SLAIN2: variants seen among roughly 807,000 people sequenced by gnomAD.
The protein encoded by SLAIN2 is SLAIN family member 2.
SLAIN2 carries 31 observed loss-of-function variants against 56.6 expected under a neutral mutation model. That is an observed-to-expected ratio of 0.55 (90% CI 0.41 to 0.74). The LOEUF is 0.74. Ranked by LOEUF, SLAIN2 falls within the 30% of genes least tolerant of loss-of-function variation. The pLI is 0.00. For synonymous variants in SLAIN2, 317 were observed against 284.9 expected (o/e 1.11, Z -1.13); for missense variants, 777 against 754.2 (o/e 1.03, Z -0.35).
At position 48,341,597 on chromosome 4, in the gene SLAIN2, G is replaced by A; in HGVS notation, c.-143G>A. Reference sequence around the variant, plus strand: ...CGGCGCTTTGGAACCCGAGGTGGGGGGACCCTGGCGGTGGGGCCTGGTCCT... The same window carrying A: ...CGGCGCTTTGGAACCCGAGGTGGGGAGACCCTGGCGGTGGGGCCTGGTCCT... On this transcript the variant is annotated 5_prime_UTR_variant, in exon 1 of 8. Transcript: ENST00000264313. The A allele has an allele frequency of 7.9e-7, 1 of 1,267,738 alleles. No individual in the cohort carries two copies. The highest frequency in any genetic ancestry group is 1.0e-6 in the Non-Finnish European group (1 of 973,152). The allele number at this position is 1,267,738 out of a possible 1,614,324, so 78.5% of individuals were successfully genotyped here.
At chr4:48,408,681 C>T (rs1279158295) in intron 6 of SLAIN2, among the ~76,000 whole-genome samples, 2 of 151,764 alleles carry the variant, frequency 1.3e-5, no homozygotes, top group South Asian at 2.1e-4. Context: ...AAAAGAGTCA[C>T]GTTTTTAAGT....
intron 1 of SLAIN2, among the ~76,000 whole-genome samples, chr4:48,342,711 C>CTTT (rs761272695): frequency 0.25 from 16,621 of 65,440 alleles, 4,033 homozygotes; most frequent in South Asian, 0.44. Flanking sequence ...GATGGTGCTG[C>CTTT]TTTTTTTTTT....
chr4:48,351,294 C>G (rs1391803152), intron 1 of SLAIN2, among the ~76,000 whole-genome samples: 1 of 152,182 alleles, frequency 6.6e-6, no homozygotes, highest in Non-Finnish European at 1.5e-5. Flanking sequence ...CTAATCGGTA[C>G]TATATTCTAT....
intron 1 of SLAIN2, among the ~76,000 whole-genome samples, chr4:48,366,044 G>C (rs1293794933): frequency 2.6e-5 from 4 of 152,148 alleles, no homozygotes; most frequent in Non-Finnish European, 5.9e-5. Context: ...AGTAGTTTCT[G>C]ATTTCCCTTG....
In SLAIN2 at chr4:48,345,921, A is replaced by T. The variant is rs76748101; in HGVS notation, c.389+3793A>T. Reference sequence around the variant, plus strand: ...AATACCAGTCCATTAATCAACACACATGGTTGTTCAATAATTGCTAGTTCT... The same window carrying T: ...AATACCAGTCCATTAATCAACACACTTGGTTGTTCAATAATTGCTAGTTCT... On this transcript the variant is annotated intron_variant, in intron 1 of 7. Coordinates refer to ENST00000264313, the MANE Select transcript of SLAIN2 (RefSeq NM_020846.2). Among the ~76,000 whole-genome samples, 258 of 152,300 alleles carry T rather than the reference A, an allele frequency of 1.7e-3. 1 individual carries two copies. The highest frequency in any genetic ancestry group is 6.0e-3 in the African/African-American group (248 of 41,564).
chr4:48,367,052 T>C (rs1715540112), intron 1 of SLAIN2, among the ~76,000 whole-genome samples: 1 of 152,260 alleles, frequency 6.6e-6, no homozygotes. Flanking sequence ...TGTATTGTTA[T>C]TACAAATAGG....
At chr4:48,367,198 C>G (rs527830830) in intron 1 of SLAIN2, among the ~76,000 whole-genome samples, 14 of 152,336 alleles carry the variant, frequency 9.2e-5, no homozygotes, top group African/African-American at 3.1e-4. Flanking sequence ...GAAGTATGTA[C>G]TTTGAAACCT....
At chr4:48,350,001 C>G (rs1388218393) in intron 1 of SLAIN2, among the ~76,000 whole-genome samples, 1 of 152,098 alleles carries the variant, frequency 6.6e-6, no homozygotes, top group African/African-American at 2.4e-5. Context: ...GCACCCAGGA[C>G]CGAAAGTGAT....
chr4:48,400,304 GTAT>G (rs1716513117), intron 6 of SLAIN2, among the ~76,000 whole-genome samples: 1 of 150,872 alleles, frequency 6.6e-6, no homozygotes, highest in Admixed American at 6.6e-5. Flanking sequence ...GGTGTTTATA[GTAT>G]TATCTGATGG....
intron 6 of SLAIN2, among the ~76,000 whole-genome samples, chr4:48,387,655 T>C (rs1387323835): frequency 1.3e-5 from 2 of 151,998 alleles, no homozygotes; most frequent in Admixed American, 1.3e-4. Context: ...AAAATGTATT[T>C]GGAAAGTAGG....
chr4:48,358,991 G>T (rs963322987), intron 1 of SLAIN2, among the ~76,000 whole-genome samples: 2 of 152,162 alleles, frequency 1.3e-5, no homozygotes, highest in African/African-American at 4.8e-5. Flanking sequence ...AAAGTGCTGG[G>T]ATTACAGGCA....
chr4:48,362,704 C>T (rs796741020), intron 1 of SLAIN2, among the ~76,000 whole-genome samples: 1 of 149,768 alleles, frequency 6.7e-6, no homozygotes, highest in African/African-American at 2.4e-5. Flanking sequence ...TAGGTGTGAG[C>T]CACCATGCCA....
At chr4:48,360,900 A>G (rs1180683974) in intron 1 of SLAIN2, among the ~76,000 whole-genome samples, 2 of 152,212 alleles carry the variant, frequency 1.3e-5, no homozygotes, top group Admixed American at 1.3e-4. Context: ...TTTACTTAGC[A>G]TAATGTTTGA....
chr4:48,419,744 C>T (rs985449931), intron 6 of SLAIN2, among the ~76,000 whole-genome samples: 18 of 152,168 alleles, frequency 1.2e-4, no homozygotes, highest in African/African-American at 4.3e-4. Flanking sequence ...AGGGGAAATA[C>T]ATTTCAAATT....
rs182974242 is a variant in SLAIN2, at chr4:48,344,686, T to A, written c.389+2558T>A. 4.6e-5 allele frequency among the ~76,000 whole-genome samples: 7 copies of A among 152,290 alleles called. No homozygotes were observed. In the East Asian group the frequency reaches 1.3e-3, roughly 29 times the overall value. On this transcript the variant is annotated intron_variant, in intron 1 of 7. Transcript: ENST00000264313. ...CAGTGCTCTACAGCAGTCACTTTCA[T>A]ACTCTTCTTTTTTTTTTTGGACCCA...
intron 6 of SLAIN2, among the ~76,000 whole-genome samples, chr4:48,412,029 C>T (rs1485363146): frequency 6.6e-6 from 1 of 152,068 alleles, no homozygotes; most frequent in African/African-American, 2.4e-5. Context: ...TCGTAAATTA[C>T]ACCAATGCCG....
chr4:48,351,292 T>C (rs775384288), intron 1 of SLAIN2, among the ~76,000 whole-genome samples: 1 of 152,242 alleles, frequency 6.6e-6, no homozygotes, highest in Non-Finnish European at 1.5e-5. Flanking sequence ...ACCTAATCGG[T>C]ACTATATTCT....
rs139743097 is a variant in SLAIN2, at chr4:48,407,255, T to C, written c.1361-12870T>C. 2.4e-4 allele frequency among the ~76,000 whole-genome samples: 36 copies of C among 152,262 alleles called. No individual in the cohort carries two copies. The East Asian group carries it at 6.4e-3, about 27-fold the overall frequency. On this transcript the variant is annotated intron_variant, in intron 6 of 7. Coordinates refer to ENST00000264313, the MANE Select transcript of SLAIN2 (RefSeq NM_020846.2). ...TATGTATTGTGTATATTGACTCTTA[T>C]GTTTCTCCTTAGTCTTCTTCTTAAA...
At chr4:48,410,567 C>T (rs575945787) in intron 6 of SLAIN2, among the ~76,000 whole-genome samples, 5 of 152,158 alleles carry the variant, frequency 3.3e-5, no homozygotes, top group Non-Finnish European at 7.4e-5. Flanking sequence ...GACACGAATC[C>T]GCTGCGCTTT....
Sources: allele counts gnomAD v4.1 joint callset (sites outside exome capture counted in the v4.1 genomes callset), GRCh38; gene constraint gnomAD v4.1.1; transcripts MANE v1.5; gene names NCBI Gene and HGNC (gene_info 2026-07-23, HGNC 2026-07-21).